SWAP70: variants seen among roughly 807,000 people sequenced by gnomAD.
SWAP70 encodes switching B cell complex subunit SWAP70.
A neutral mutation model predicts 80.2 loss-of-function variants in SWAP70; 34 were observed. The observed-to-expected ratio is 0.42, with a 90% CI of 0.32 to 0.56. The LOEUF (loss-of-function observed/expected upper bound fraction) is 0.56. Among genes scored for constraint, SWAP70 ranks in the 20% least tolerant of loss-of-function variants. SWAP70 has a pLI of 0.09. For synonymous variants in SWAP70, 239 were observed against 238.5 expected, an observed-to-expected ratio of 1.00 and a Z score of -0.02; for missense variants, 578 against 690.7, an observed-to-expected ratio of 0.84 and a Z score of 1.83.
intron 1 of SWAP70, among the ~76,000 whole-genome samples, chr11:9,683,623 G>T (rs1235445459): frequency 6.6e-6 from 1 of 152,134 alleles, no homozygotes; most frequent in Non-Finnish European, 1.5e-5. Flanking sequence ...TGTGGGGTGG[G>T]AGAGAGGAAA....
chr11:9,695,321 G>A (rs376627467), intron 2 of SWAP70, among the ~76,000 whole-genome samples: 30 of 151,810 alleles, frequency 2.0e-4, no homozygotes, highest in South Asian at 4.1e-4. Context: ...ACGTGCACAC[G>A]TATGTTTATT....
intron 1 of SWAP70, among the ~76,000 whole-genome samples, chr11:9,671,756 AT>A (rs370624214): frequency 0.1 from 5,787 of 56,462 alleles, 329 homozygotes; most frequent in Non-Finnish European, 0.15. Context: ...ATATAAATAT[AT>A]AAATATATAA....
At chr11:9,745,366 A>G (rs1476311795) in intron 9 of SWAP70, among the ~76,000 whole-genome samples, 1 of 152,146 alleles carries the variant, frequency 6.6e-6, no homozygotes, top group Non-Finnish European at 1.5e-5. Flanking sequence ...GCAGACGGGG[A>G]AGATATATAA....
chr11:9,701,691 C>T (rs376015810), intron 2 of SWAP70, among the ~76,000 whole-genome samples: 218 of 68,540 alleles, frequency 3.2e-3, no homozygotes, highest in Non-Finnish European at 4.0e-3. Flanking sequence ...TTTGTGGGCT[C>T]TTTTTTTTTT....
chr11:9,732,344 G>A (rs1851308649), intron 6 of SWAP70, among the ~76,000 whole-genome samples, 185 bp from the exon 7 acceptor site: 1 of 151,626 alleles, frequency 6.6e-6, no homozygotes, highest in Non-Finnish European at 1.5e-5. Flanking sequence ...GGGGAGCTCT[G>A]AAAAAAAACC....
chr11:9,701,275 G>T (rs901807113), intron 2 of SWAP70, among the ~76,000 whole-genome samples: 1 of 151,522 alleles, frequency 6.6e-6, no homozygotes, highest in Non-Finnish European at 1.5e-5. Flanking sequence ...GAGTTCAAGC[G>T]ACTCTTCTGC....
intron 3 of SWAP70, among the ~76,000 whole-genome samples, chr11:9,719,115 T>C (rs369614224): frequency 1.9e-5 from 2 of 106,268 alleles, no homozygotes; most frequent in East Asian, 2.4e-4. Context: ...AAAAAAGATA[T>C]AATTGTCAGC....
intron 1 of SWAP70, among the ~76,000 whole-genome samples, chr11:9,672,156 A>C (rs1295027405): frequency 3.9e-5 from 5 of 128,046 alleles, no homozygotes; most frequent in Non-Finnish European, 6.4e-5. Flanking sequence ...ATATTTATAA[A>C]TAATATATTT....
At position 9,732,568 on chromosome 11, in the gene SWAP70, C is replaced by T. The variant is rs377069354; in HGVS notation, c.938C>T (p.Pro313Leu). ...STIHLLKLGS[P>L]PPHKEARQRR... ...ATTCATCTGTTGAAGCTGGGCAGCCCTCCACCACACAAAGAAGCCCGCCAG... is the reference window on the plus strand; with the variant it reads ...ATTCATCTGTTGAAGCTGGGCAGCCTTCCACCACACAAAGAAGCCCGCCAG... The change falls in exon 7 of 12, where the codon CCT (proline) becomes CTT (leucine). Residue 313 changes from proline (P) to leucine (L), a missense_variant. Transcript: ENST00000318950. 1.2e-6 allele frequency: 2 copies of T among 1,606,720 alleles called. No individual in the cohort carries two copies. Among genetic ancestry groups the T allele is most frequent in the Non-Finnish European group, 1.7e-6 (2 of 1,175,938 alleles).
At position 9,738,179 on chromosome 11, in the gene SWAP70, C is replaced by T. The variant is rs774316241; in HGVS notation, c.1081-34C>T. 16 of 1,532,484 alleles carry T rather than the reference C, an allele frequency of 1.0e-5. No individual in the cohort carries two copies. In the Admixed American group the frequency reaches 1.1e-4, roughly 11 times the overall value. The allele number at this position is 1,532,484 out of a possible 1,614,324, so 94.9% of individuals were successfully genotyped here. Reference sequence around the variant, plus strand: ...CTTTAATGTACTTCTACTCTAACACCTGCTTTTCTGTGGATGGGTTTTTGA... The same window carrying T: ...CTTTAATGTACTTCTACTCTAACACTTGCTTTTCTGTGGATGGGTTTTTGA... On this transcript the variant is annotated intron_variant, in intron 7 of 11. Coordinates refer to ENST00000318950, the MANE Select transcript of SWAP70 (RefSeq NM_015055.4).
intron 1 of SWAP70, among the ~76,000 whole-genome samples, chr11:9,690,851 T>C (rs2134444332): frequency 6.6e-6 from 1 of 152,260 alleles, no homozygotes; most frequent in South Asian, 2.1e-4. Context: ...TTAGAAATAC[T>C]GTTTCATTGT....
intron 2 of SWAP70, among the ~76,000 whole-genome samples, chr11:9,702,278 A>G (rs781098190): frequency 2.0e-5 from 3 of 152,172 alleles, no homozygotes; most frequent in Non-Finnish European, 4.4e-5. Context: ...TAACAACATC[A>G]TTTAGTAGGA....
intron 2 of SWAP70, among the ~76,000 whole-genome samples, chr11:9,699,030 A>C (rs1299401071): frequency 6.6e-6 from 1 of 152,342 alleles, no homozygotes; most frequent in East Asian, 1.9e-4. Context: ...GAAAAACCAC[A>C]TGATAATGAA....
chr11:9,671,864 A>G (rs1004035887), intron 1 of SWAP70, among the ~76,000 whole-genome samples: 80 of 102,016 alleles, frequency 7.8e-4, no homozygotes, highest in African/African-American at 3.3e-3. Context: ...AATAAATTAT[A>G]TTTATAATTT....
intron 2 of SWAP70, among the ~76,000 whole-genome samples, chr11:9,698,055 G>A (rs556063721): frequency 6.6e-6 from 1 of 150,726 alleles, no homozygotes. Flanking sequence ...CACAGTCCTG[G>A]GATTACAGAT....
At chr11:9,685,567 A>G (rs961057953) in intron 1 of SWAP70, among the ~76,000 whole-genome samples, 4 of 151,934 alleles carry the variant, frequency 2.6e-5, no homozygotes, top group Admixed American at 2.0e-4. Flanking sequence ...AACCTCTTTT[A>G]TAAGGTCATT....
rs1491444145 is a variant in SWAP70 at position 9,671,420 on chromosome 11, A to AT, written c.99+7142_99+7143insT. Among the ~76,000 whole-genome samples the AT allele has an allele frequency of 3.6e-3, 295 of 82,370 alleles. 3 individuals are homozygous for AT. The highest frequency in any genetic ancestry group is 9.8e-3 in the South Asian group (21 of 2,146). 54.0% of individuals were successfully genotyped at this position (82,370 alleles called of 152,430 possible). ...TATAAATATATAAAAATATATTTAT[A>AT]AATATATATATAAATATATAAAAAT... On this transcript the variant is annotated intron_variant, in intron 1 of 11. Coordinates refer to ENST00000318950, the MANE Select transcript of SWAP70 (RefSeq NM_015055.4).
At chr11:9,731,433 G>A (rs1170814308) in intron 6 of SWAP70, among the ~76,000 whole-genome samples, 1 of 152,076 alleles carries the variant, frequency 6.6e-6, no homozygotes, top group African/African-American at 2.4e-5. Flanking sequence ...CCAGGGTTGT[G>A]GTGAGGATTA....
chr11:9,743,096 G>A (rs1197993605), intron 9 of SWAP70, among the ~76,000 whole-genome samples: 3 of 130,732 alleles, frequency 2.3e-5, no homozygotes, highest in South Asian at 2.4e-4. Flanking sequence ...TCCCCTTCCT[G>A]TGTCCAAGTG....
Sources: allele counts gnomAD v4.1 joint callset (sites outside exome capture counted in the v4.1 genomes callset), GRCh38; gene constraint gnomAD v4.1.1; transcripts MANE v1.5; gene names NCBI Gene and HGNC (gene_info 2026-07-23, HGNC 2026-07-21).